The following PIK3C2G variants were observed in gnomAD, a reference collection of about 807,000 sequenced individuals.
PIK3C2G encodes phosphatidylinositol 3-kinase C2 domain-containing subunit gamma.
PIK3C2G carries 168 observed loss-of-function variants against 181.1 expected under a neutral mutation model. That is an observed-to-expected ratio of 0.93 (90% CI 0.82 to 1.05). The LOEUF (loss-of-function observed/expected upper bound fraction) is 1.05, where lower values mean the gene tolerates loss of function less well. Ranked by LOEUF, PIK3C2G falls within the 50% of genes least tolerant of loss-of-function variation. The pLI is 0.00. For synonymous variants in PIK3C2G, 573 were observed against 592.2 expected, an observed-to-expected ratio of 0.97 and a Z score of 0.47; for missense variants, 1,869 against 1,732.8, an observed-to-expected ratio of 1.08 and a Z score of -1.40.
intron 28 of PIK3C2G, among the ~76,000 whole-genome samples, chr12:18,563,935 A>C (rs1945480721): frequency 6.7e-6 from 1 of 149,690 alleles, no homozygotes; most frequent in Non-Finnish European, 1.5e-5. Flanking sequence ...ATTAATATAC[A>C]TATTTAATTA....
At chr12:18,262,551 G>A (rs1445723501) in intron 1 of PIK3C2G, among the ~76,000 whole-genome samples, 1 of 149,194 alleles carries the variant, frequency 6.7e-6, no homozygotes, top group East Asian at 2.1e-4. Context: ...TAAAAAGCAA[G>A]TTTGTGAATT....
the PIK3C2G span, among the ~76,000 whole-genome samples, chr12:18,660,924 A>T: frequency 6.6e-6 from 1 of 152,158 alleles, no homozygotes; most frequent in Non-Finnish European, 1.5e-5. Flanking sequence ...TCAAGAAAAC[A>T]AAGCATGAAC....
chr12:18,526,049 T>TG (rs1384618952), intron 24 of PIK3C2G, among the ~76,000 whole-genome samples: 12 of 152,222 alleles, frequency 7.9e-5, no homozygotes, highest in African/African-American at 2.9e-4. Flanking sequence ...CAATAGTTAA[T>TG]TACCACTGAT....
rs148882788 is a variant in PIK3C2G, at chr12:18,549,467, T to C, written c.3590+3035T>C. On this transcript the variant is annotated intron_variant, in intron 26 of 32. Transcript: ENST00000538779. ...CTTACAGTAATGTATTTAACTGTCA[T>C]AACAATCCTATGAGGTATTAATATC... Among the ~76,000 whole-genome samples, 641 of 152,180 alleles carry C rather than the reference T, an allele frequency of 4.2e-3. 6 individuals are homozygous for C. Among genetic ancestry groups the C allele is most frequent in the African/African-American group, 0.015 (607 of 41,566 alleles).
intron 23 of PIK3C2G, among the ~76,000 whole-genome samples, chr12:18,504,802 C>A (rs1486690758): frequency 3.3e-5 from 5 of 152,130 alleles, no homozygotes; most frequent in Non-Finnish European, 7.3e-5. Context: ...ACATTGATGA[C>A]CTATTTGTAA....
chr12:18,632,793 T>G (rs1699357873), intron 31 of PIK3C2G, among the ~76,000 whole-genome samples: 1 of 152,224 alleles, frequency 6.6e-6, no homozygotes. Flanking sequence ...TTTGATGCAT[T>G]AGATTAATGC....
At chr12:18,698,744 C>T in the PIK3C2G span, among the ~76,000 whole-genome samples, 2 of 152,070 alleles carry the variant, frequency 1.3e-5, no homozygotes, top group African/African-American at 4.8e-5. Flanking sequence ...AGTGGTGTAT[C>T]CATCACCCCA....
chr12:18,537,010 G>A (rs1260030331), intron 24 of PIK3C2G, among the ~76,000 whole-genome samples: 1 of 151,892 alleles, frequency 6.6e-6, no homozygotes, highest in African/African-American at 2.4e-5. Context: ...AATAATCATA[G>A]CCAAAAAACT....
chr12:18,335,204 C>T (rs913055224), intron 8 of PIK3C2G, among the ~76,000 whole-genome samples: 6 of 152,080 alleles, frequency 3.9e-5, no homozygotes, highest in Admixed American at 6.6e-5. Context: ...AGGATCTTAG[C>T]TCCAGTTCTG....
intron 6 of PIK3C2G, among the ~76,000 whole-genome samples, chr12:18,318,671 T>G (rs1327739876): frequency 6.6e-6 from 1 of 152,024 alleles, no homozygotes; most frequent in Non-Finnish European, 1.5e-5. Context: ...CAGTAGATAC[T>G]TTAGAGCTTT....
rs17847807 is a variant in PIK3C2G at position 18,566,949 on chromosome 12, G to T, written c.3903G>T (p.Glu1301Asp). The change falls in exon 29 of 33, where the codon GAG (glutamate) becomes GAT (aspartate). Residue 1301 changes from glutamate to aspartate, a missense_variant and splice_region_variant. Physicochemically the swap from Glu to Asp is conservative, Grantham distance 45. Coordinates refer to ENST00000538779, the MANE Select transcript of PIK3C2G (RefSeq NM_001288772.2). ...ATAACTTTTTTTTCTCTTAAAACAG[G>T]TTTCCTCATTGGTGGCACCTACCTT... ...QKQFASLTLP[E>D]FPHWWHLPFT... 2.1e-4 allele frequency: 321 copies of T among 1,537,770 alleles called. 1 individual carries two copies. The East Asian group carries it at 6.8e-3, about 33-fold the overall frequency.
chr12:18,589,611 C>A (rs1216858837), intron 29 of PIK3C2G, among the ~76,000 whole-genome samples: 1 of 151,824 alleles, frequency 6.6e-6, no homozygotes, highest in Non-Finnish European at 1.5e-5. Context: ...CAAGTAAATA[C>A]AAAGAGGATG....
chr12:18,607,770 G>A (rs1592704286), intron 30 of PIK3C2G, among the ~76,000 whole-genome samples: 1 of 152,034 alleles, frequency 6.6e-6, no homozygotes, highest in East Asian at 1.9e-4. Flanking sequence ...GCAACCTACA[G>A]AATGGGAGAA....
chr12:18,625,622 G>A (rs1430153475), intron 31 of PIK3C2G, among the ~76,000 whole-genome samples: 3 of 151,656 alleles, frequency 2.0e-5, no homozygotes, highest in Admixed American at 6.6e-5. Flanking sequence ...GTGATGTATC[G>A]AAGTTCCCTA....
chr12:18,470,778 G>A (rs1229073111), intron 18 of PIK3C2G, among the ~76,000 whole-genome samples: 1 of 152,042 alleles, frequency 6.6e-6, no homozygotes, highest in Non-Finnish European at 1.5e-5. Context: ...TCATGTCAGT[G>A]GTTCTCAATG....
rs1306433865 is a variant in PIK3C2G at position 18,496,239 on chromosome 12, T to C, written c.2886+85T>C. The C allele has an allele frequency of 4.9e-6, 4 of 812,762 alleles. No homozygotes were observed. In the East Asian group the frequency reaches 8.4e-5, roughly 17 times the overall value. 50.3% of individuals were successfully genotyped at this position (812,762 alleles called of 1,614,324 possible). ...TCACAAAAAGAAATTGTTGTGGCTA[T>C]TTTCCTCCAGCAACAACACATAGGT... On this transcript the variant is annotated intron_variant, in intron 21 of 32. Coordinates refer to ENST00000538779, the MANE Select transcript of PIK3C2G (RefSeq NM_001288772.2).
chr12:18,436,579 T>A (rs913096743), intron 18 of PIK3C2G, among the ~76,000 whole-genome samples: 3 of 152,030 alleles, frequency 2.0e-5, no homozygotes, highest in Non-Finnish European at 4.4e-5. Context: ...GCACACAGTA[T>A]ACAATTCATT....
At chr12:18,400,443 T>C (rs980343862) in intron 16 of PIK3C2G, among the ~76,000 whole-genome samples, 5 of 152,182 alleles carry the variant, frequency 3.3e-5, no homozygotes, top group Non-Finnish European at 7.4e-5. Context: ...TTTCCTTTTA[T>C]ATTCAAAGCC....
At chr12:18,568,664 T>C (rs539552065) in intron 29 of PIK3C2G, among the ~76,000 whole-genome samples, 1 of 152,216 alleles carries the variant, frequency 6.6e-6, no homozygotes, top group South Asian at 2.1e-4. Flanking sequence ...ACTCTGCCAA[T>C]TTCAATATGA....
Sources: gnomAD v4.1 joint callset for allele counts (sites outside exome capture counted in the v4.1 genomes callset) on GRCh38, gnomAD v4.1.1 for gene constraint, MANE v1.5 for transcripts, NCBI Gene and HGNC (gene_info 2026-07-23, HGNC 2026-07-21) for gene names.